Variants in AIDA observed in about 807,000 individuals in gnomAD.
The protein encoded by AIDA is axin interactor, dorsalization associated, also known as axin interactor, dorsalization-associated protein.
A neutral mutation model predicts 42.7 loss-of-function variants in AIDA; 18 were observed. The ratio of observed to expected loss-of-function variants is 0.42; its 90% CI spans 0.29 to 0.63. The LOEUF (loss-of-function observed/expected upper bound fraction) is 0.63. Among genes scored for constraint, AIDA ranks in the 20% least tolerant of loss-of-function variants. The pLI, the probability that AIDA is intolerant of heterozygous loss-of-function variation, is 0.19. For synonymous variants in AIDA, 104 were observed against 122.9 expected (o/e 0.85, Z 1.02); for missense variants, 250 against 354.1 (o/e 0.71, Z 2.36).
intron 4 of AIDA, among the ~76,000 whole-genome samples, chr1:222,690,108 G>A (rs1282784132): frequency 6.6e-6 from 1 of 152,114 alleles, no homozygotes; most frequent in Non-Finnish European, 1.5e-5. Flanking sequence ...ATACCATCTA[G>A]GTTTGTGTAA....
At chr1:222,689,476 T>C (rs1655289652) in intron 4 of AIDA, among the ~76,000 whole-genome samples, 1 of 36,614 alleles carries the variant, frequency 2.7e-5, no homozygotes, top group Admixed American at 5.3e-4. Flanking sequence ...TGTATGTGTG[T>C]GTGTGTATAT....
intron 6 of AIDA, 30 bp from the exon 7 acceptor site, chr1:222,676,248 C>T: frequency 1.9e-6 from 3 of 1,593,814 alleles, no homozygotes; most frequent in Non-Finnish European, 2.6e-6. Context: ...AATAAAAGCT[C>T]CATATCATTT....
intron 4 of AIDA, among the ~76,000 whole-genome samples, chr1:222,689,481 G>GTATGTATGTATATA (rs1553294373): frequency 5.7e-5 from 2 of 35,328 alleles, no homozygotes; most frequent in African/African-American, 7.4e-5. Context: ...GTGTGTGTGT[G>GTATGTATGTATATA]TATATATATA....
intron 2 of AIDA, among the ~76,000 whole-genome samples, chr1:222,700,064 AT>A (rs1157401350): frequency 6.6e-6 from 1 of 152,128 alleles, no homozygotes; most frequent in Non-Finnish European, 1.5e-5. Context: ...GGCTAAGAAA[AT>A]TAAACTTTTA....
At chr1:222,685,382 T>C (rs1175344149) in intron 6 of AIDA, among the ~76,000 whole-genome samples, 2 of 152,220 alleles carry the variant, frequency 1.3e-5, no homozygotes, top group Non-Finnish European at 2.9e-5. Flanking sequence ...CAACTAGTAA[T>C]TGGCAGAGCC....
At chr1:222,709,760 T>C (rs1402185201) in intron 1 of AIDA, among the ~76,000 whole-genome samples, 1 of 152,234 alleles carries the variant, frequency 6.6e-6, no homozygotes, top group African/African-American at 2.4e-5. Context: ...ACTCTTTTCA[T>C]ACTTCCGTAA....
chr1:222,702,733 G>A (rs1282466978), intron 2 of AIDA, among the ~76,000 whole-genome samples: 1 of 152,214 alleles, frequency 6.6e-6, no homozygotes, highest in Non-Finnish European at 1.5e-5. Context: ...CAGGAGTTAG[G>A]AAAGTTCAGA....
rs116103837 is a variant in AIDA, at chr1:222,686,641, T to G, written c.460+289A>C. Among the ~76,000 whole-genome samples the G allele has an allele frequency of 8.9e-3, 1,362 of 152,270 alleles. 18 individuals are homozygous for G. Among genetic ancestry groups the G allele is most frequent in the African/African-American group, 0.031 (1,295 of 41,550 alleles). ...CTTTTCTGTTTGCTGATTTTGTTCTTGTGTTCTCTTGTAATGAATCCTAGC... is the reference window on the plus strand; with the variant it reads ...CTTTTCTGTTTGCTGATTTTGTTCTGGTGTTCTCTTGTAATGAATCCTAGC... On this transcript the variant is annotated intron_variant, in intron 6 of 9. Coordinates refer to ENST00000340020, the MANE Select transcript of AIDA (RefSeq NM_022831.4).
At position 222,670,345 on chromosome 1, in the gene AIDA, C is replaced by G. The variant is rs558656987; in HGVS notation, c.707-95G>C. On this transcript the variant is annotated intron_variant, in intron 8 of 9. Coordinates refer to ENST00000340020, the MANE Select transcript of AIDA (RefSeq NM_022831.4). ...ATCACCAGAAGCATATGAACAGCTACAGCTGGCATAATTTGACAAAACAAC... is the reference window on the plus strand; with the variant it reads ...ATCACCAGAAGCATATGAACAGCTAGAGCTGGCATAATTTGACAAAACAAC... 1.2e-3 allele frequency: 1,186 copies of G among 958,100 alleles called. 2 individuals are homozygous for G. Among genetic ancestry groups the G allele is most frequent in the Non-Finnish European group, 1.6e-3 (1,027 of 631,994 alleles). 59.3% of individuals were successfully genotyped at this position (958,100 alleles called of 1,614,324 possible).
At chr1:222,699,350 C>T (rs1655617097) in intron 2 of AIDA, among the ~76,000 whole-genome samples, 1 of 152,144 alleles carries the variant, frequency 6.6e-6, no homozygotes, top group African/African-American at 2.4e-5. Context: ...AGTTTTTTCT[C>T]CTTTGGCTTG....
chr1:222,698,331 AAGTT>A (rs1655578351), intron 2 of AIDA, among the ~76,000 whole-genome samples: 2 of 145,996 alleles, frequency 1.4e-5, no homozygotes, highest in South Asian at 4.1e-4. Context: ...AAATGAATAT[AAGTT>A]ACTCTCTCAA....
At chr1:222,682,883 A>G (rs1386948186) in intron 6 of AIDA, among the ~76,000 whole-genome samples, 2 of 152,224 alleles carry the variant, frequency 1.3e-5, no homozygotes, top group Non-Finnish European at 2.9e-5. Context: ...AAATCTGGCA[A>G]TAGAAAATCT....
chr1:222,703,062 GTTGTTTT>G, intron 2 of AIDA, 79 bp downstream of exon 2: 1 of 1,073,714 alleles, frequency 9.3e-7, no homozygotes, highest in Middle Eastern at 3.2e-4. Flanking sequence ...TTTTTGTTTT[GTTGTTTT>G]TTGTTTTGCT....
chr1:222,702,080 A>T (rs1381454971), intron 2 of AIDA, among the ~76,000 whole-genome samples: 11 of 152,244 alleles, frequency 7.2e-5, no homozygotes, highest in African/African-American at 2.2e-4. Flanking sequence ...AATACAAAAT[A>T]AAAAAGTACA....
chr1:222,691,597 T>A (rs1655378031), intron 4 of AIDA, among the ~76,000 whole-genome samples: 2 of 152,048 alleles, frequency 1.3e-5, no homozygotes, highest in Non-Finnish European at 2.9e-5. Context: ...AAAAAAAAAA[T>A]TATAAGAACA....
intron 6 of AIDA, among the ~76,000 whole-genome samples, chr1:222,677,392 T>A (rs1664569822): frequency 6.6e-6 from 1 of 152,142 alleles, no homozygotes; most frequent in African/African-American, 2.4e-5. Context: ...CCCCCTCTAA[T>A]TTTTATATTT....
rs1664539338 is a variant in AIDA, at chr1:222,676,142, T to C, written c.537A>G (p.Lys179=). ...LTIRIEKIGL[K]DAGQCIDPYI... ...AGGGATCGATGCACTGCCCAGCATC[T>C]TTCAAACCAATTTTCTCAATTCTGA... The change falls in exon 7 of 10, where the codon AAA becomes AAG. Residue 179 remains lysine (K), a synonymous_variant. Transcript: ENST00000340020. The C allele has an allele frequency of 6.2e-7, 1 of 1,613,010 alleles. No individual in the cohort carries two copies. The highest frequency in any genetic ancestry group is 8.5e-7 in the Non-Finnish European group (1 of 1,179,618).
At chr1:222,676,250 A>G (rs780619898) in intron 6 of AIDA, 32 bp from the exon 7 acceptor site, 21 of 1,587,476 alleles carry the variant, frequency 1.3e-5, no homozygotes, top group Middle Eastern at 1.7e-4. Flanking sequence ...TAAAAGCTCC[A>G]TATCATTTCA....
chr1:222,681,726 G>A (rs1405096626), intron 6 of AIDA, among the ~76,000 whole-genome samples: 1 of 152,180 alleles, frequency 6.6e-6, no homozygotes, highest in Non-Finnish European at 1.5e-5. Context: ...AACAGGGCAG[G>A]CTCTCAGAAG....
Sources: allele counts gnomAD v4.1 joint callset (sites outside exome capture counted in the v4.1 genomes callset), GRCh38; gene constraint gnomAD v4.1.1; transcripts MANE v1.5; gene names NCBI Gene and HGNC (gene_info 2026-07-23, HGNC 2026-07-21).